The following CTNNA3 variants were observed in gnomAD, a reference collection of about 807,000 sequenced individuals.
CTNNA3 encodes the protein catenin alpha-3.
In CTNNA3, 76 loss-of-function variants were observed where a neutral mutation model predicts 95.7. The ratio of observed to expected loss-of-function variants is 0.79; its 90% CI spans 0.66 to 0.96. The LOEUF (loss-of-function observed/expected upper bound fraction) is 0.96, where lower values mean the gene tolerates loss of function less well. CTNNA3 is among the 40% of genes least tolerant of loss of function. The probability of loss-of-function intolerance (pLI) is 0.00; values close to 1 mark genes in which losing one functional copy is unlikely to be tolerated. For synonymous variants in CTNNA3, 431 were observed against 374.4 expected (o/e 1.15, Z -1.74); for missense variants, 1,191 against 1,089.8 (o/e 1.09, Z -1.31).
At chr10:67,440,741 C>T (rs1040055671) in intron 5 of CTNNA3, among the ~76,000 whole-genome samples, 1 of 152,136 alleles carries the variant, frequency 6.6e-6, no homozygotes, top group Admixed American at 6.5e-5. Context: ...ACCAAGACTG[C>T]ACCTCTATAA....
At chr10:67,338,604 G>C (rs755166377) in intron 5 of CTNNA3, among the ~76,000 whole-genome samples, 2 of 152,120 alleles carry the variant, frequency 1.3e-5, no homozygotes, top group African/African-American at 4.8e-5. Flanking sequence ...TCACTGATAA[G>C]GAATCATAAA....
intron 13 of CTNNA3, among the ~76,000 whole-genome samples, chr10:66,229,905 C>A (rs1289088277): frequency 6.6e-6 from 1 of 151,866 alleles, no homozygotes; most frequent in Non-Finnish European, 1.5e-5. Context: ...TTTCTTCATT[C>A]TTTTTCATTC....
Position 67,201,790 on chromosome 10 carries a change from C to T in CTNNA3, c.843+17817G>A, listed in dbSNP as rs564933807. On this transcript the variant is annotated intron_variant, in intron 6 of 17. Transcript: ENST00000433211. Reference sequence around the variant, plus strand: ...GAGTCCAAGTCAACCTGAAAGAAACCAAAAGATTCATCCACGATCAGCTAC... The same window carrying T: ...GAGTCCAAGTCAACCTGAAAGAAACTAAAAGATTCATCCACGATCAGCTAC... Among the ~76,000 whole-genome samples, 433 of 152,162 alleles carry T rather than the reference C, an allele frequency of 2.8e-3. 2 individuals are homozygous for T. Among genetic ancestry groups the T allele is most frequent in the African/African-American group, 0.01 (417 of 41,524 alleles).
intron 7 of CTNNA3, among the ~76,000 whole-genome samples, chr10:67,096,201 TA>T (rs1857982299): frequency 6.6e-6 from 1 of 151,934 alleles, no homozygotes; most frequent in Admixed American, 6.6e-5. Context: ...TGATTAGTTT[TA>T]TTTTTTATTT....
chr10:66,992,415 ACTC>A (rs1851090797), intron 7 of CTNNA3, among the ~76,000 whole-genome samples: 1 of 147,446 alleles, frequency 6.8e-6, no homozygotes, highest in African/African-American at 2.5e-5. Context: ...CTCCTCCTCC[ACTC>A]CTCTTTCTCC....
At chr10:66,552,149 C>T (rs995259949) in intron 10 of CTNNA3, among the ~76,000 whole-genome samples, 4 of 152,130 alleles carry the variant, frequency 2.6e-5, no homozygotes, top group South Asian at 2.1e-4. Flanking sequence ...TTGATCCACC[C>T]GCCTTGGCCT....
intron 7 of CTNNA3, among the ~76,000 whole-genome samples, chr10:66,988,124 AAGC>A (rs754025298): frequency 1.3e-5 from 2 of 152,156 alleles, no homozygotes; most frequent in Non-Finnish European, 2.9e-5. Context: ...GACAGAAACT[AAGC>A]TCAAATTTCC....
intron 12 of CTNNA3, among the ~76,000 whole-genome samples, chr10:66,313,186 G>A (rs1042510055): frequency 2.0e-5 from 3 of 152,090 alleles, no homozygotes; most frequent in Non-Finnish European, 4.4e-5. Flanking sequence ...CTTTAGTTCT[G>A]ACAAAAAGTC....
At chr10:67,025,312 C>T (rs1312458986) in intron 7 of CTNNA3, among the ~76,000 whole-genome samples, 1 of 151,194 alleles carries the variant, frequency 6.6e-6, no homozygotes, top group South Asian at 2.1e-4. Flanking sequence ...GCTCATAAGC[C>T]TATTTTGTAA....
chr10:67,096,223 T>C (rs1488510010), intron 7 of CTNNA3, among the ~76,000 whole-genome samples: 3 of 151,836 alleles, frequency 2.0e-5, no homozygotes, highest in Non-Finnish European at 4.4e-5. Context: ...TTTTGATTAC[T>C]TTTATTAAAG....
chr10:66,735,359 T>A (rs1032518194), intron 9 of CTNNA3, among the ~76,000 whole-genome samples: 2 of 151,936 alleles, frequency 1.3e-5, no homozygotes, highest in South Asian at 2.1e-4. Context: ...TATTTAGAGG[T>A]AACTAACATT....
At chr10:66,169,378 T>C (rs1036954394) in intron 13 of CTNNA3, among the ~76,000 whole-genome samples, 5 of 152,214 alleles carry the variant, frequency 3.3e-5, no homozygotes, top group East Asian at 1.9e-4. Flanking sequence ...TATGGCTGAG[T>C]AGTATTCCAT....
chr10:66,246,741 T>C (rs892205948), intron 13 of CTNNA3, among the ~76,000 whole-genome samples: 3 of 151,590 alleles, frequency 2.0e-5, no homozygotes, highest in African/African-American at 7.3e-5. Flanking sequence ...AATAGCAGAA[T>C]TGATCAAGCA....
chr10:66,256,876 A>T (rs11497932), intron 13 of CTNNA3, among the ~76,000 whole-genome samples: 30,673 of 152,056 alleles, frequency 0.2, 3,773 homozygotes, highest in African/African-American at 0.34. Context: ...GCAGAAATCC[A>T]GGACACTAGA....
At chr10:67,512,970 G>A (rs997537102) in intron 5 of CTNNA3, among the ~76,000 whole-genome samples, 11 of 152,090 alleles carry the variant, frequency 7.2e-5, no homozygotes, top group Admixed American at 1.3e-4. Flanking sequence ...GCAACAGAGC[G>A]AGAGTCCATC....
At chr10:67,051,515 A>G (rs1417622896) in intron 7 of CTNNA3, among the ~76,000 whole-genome samples, 3 of 146,378 alleles carry the variant, frequency 2.0e-5, no homozygotes, top group Non-Finnish European at 4.5e-5. Flanking sequence ...GCTGGAGTGC[A>G]GTGGTGCAAT....
chr10:67,313,714 A>T (rs1268302820), intron 5 of CTNNA3, among the ~76,000 whole-genome samples: 1 of 152,212 alleles, frequency 6.6e-6, no homozygotes, highest in Non-Finnish European at 1.5e-5. Flanking sequence ...GAACCAAGAT[A>T]GTAGCAACAA....
At chr10:66,043,380 C>T (rs2079749585) in intron 15 of CTNNA3, among the ~76,000 whole-genome samples, 1 of 152,118 alleles carries the variant, frequency 6.6e-6, no homozygotes, top group South Asian at 2.1e-4. Flanking sequence ...TAAGAGAGCA[C>T]TGTGGAGTTA....
chr10:66,259,208 G>A (rs1011505660), intron 13 of CTNNA3, among the ~76,000 whole-genome samples: 2 of 152,018 alleles, frequency 1.3e-5, no homozygotes, highest in Non-Finnish European at 2.9e-5. Context: ...TAATGGAATC[G>A]TTTCTTCTCC....
Sources: gnomAD v4.1 joint callset for allele counts (sites outside exome capture counted in the v4.1 genomes callset) on GRCh38, gnomAD v4.1.1 for gene constraint, MANE v1.5 for transcripts, NCBI Gene and HGNC (gene_info 2026-07-23, HGNC 2026-07-21) for gene names.